Variants in LRRC7 observed in about 807,000 individuals in gnomAD.
LRRC7 encodes the protein leucine rich repeat containing 7, also known as leucine-rich repeat-containing protein 7.
A neutral mutation model predicts 175.7 loss-of-function variants in LRRC7; 23 were observed. The ratio of observed to expected loss-of-function variants is 0.13; its 90% CI spans 0.09 to 0.19. LRRC7 has a LOEUF of 0.19. LRRC7 is among the 10% of genes least tolerant of loss of function. LRRC7 has a pLI of 1.00. For synonymous variants in LRRC7, 685 were observed against 680.9 expected, an observed-to-expected ratio of 1.01 and a Z score of -0.09; for missense variants, 1,354 against 1,904.7, an observed-to-expected ratio of 0.71 and a Z score of 5.38.
At position 70,018,831 on chromosome 1, in the gene LRRC7, T is replaced by TAGAGA; in HGVS notation, c.1420+16_1420+17insGAAGA. The TAGAGA allele has an allele frequency of 6.3e-7, 1 of 1,583,310 alleles. No homozygotes were observed. The highest frequency in any genetic ancestry group is 8.7e-7 in the Non-Finnish European group (1 of 1,152,772). On this transcript the variant is annotated intron_variant, in intron 15 of 26. Transcript: ENST00000651989. ...CGTGGTGATGAAGGTAAATTGTCAG[T>TAGAGA]AGAAATTTCTTCTCTACTTATAATG...
chr1:69,693,573 G>A (rs891785366), intron 2 of LRRC7, among the ~76,000 whole-genome samples: 2 of 152,164 alleles, frequency 1.3e-5, no homozygotes, highest in African/African-American at 4.8e-5. Context: ...CTTCAACTGA[G>A]TAGATGAGAC....
intron 2 of LRRC7, among the ~76,000 whole-genome samples, chr1:69,737,684 T>C (rs1367506599): frequency 6.6e-6 from 1 of 152,088 alleles, no homozygotes. Context: ...CATGCTATTG[T>C]ATCTGGAAGG....
chr1:69,691,008 G>C (rs1223788595), intron 2 of LRRC7, among the ~76,000 whole-genome samples: 9 of 152,142 alleles, frequency 5.9e-5, no homozygotes, highest in Non-Finnish European at 1.3e-4. Context: ...GGACCTGAAA[G>C]AATATCTCAA....
intron 23 of LRRC7, among the ~76,000 whole-genome samples, chr1:70,064,386 T>G (rs149630682): frequency 4.8e-4 from 73 of 152,028 alleles, no homozygotes; most frequent in Middle Eastern, 6.8e-3. Flanking sequence ...TCTCATATCA[T>G]CTTCACAACT....
In LRRC7 at chr1:69,754,401, T is replaced by C. The variant is rs148420014; in HGVS notation, c.101-5790T>C. On this transcript the variant is annotated intron_variant, in intron 2 of 26. Transcript: ENST00000651989. ...GTATTTAATGTTTAGGAGATGGTGATTGTTAAATGTGGAAAGTGAGAGAAT... is the reference window on the plus strand; with the variant it reads ...GTATTTAATGTTTAGGAGATGGTGACTGTTAAATGTGGAAAGTGAGAGAAT... Among the ~76,000 whole-genome samples the C allele has an allele frequency of 6.8e-4, 104 of 152,052 alleles. No homozygotes were observed. In the East Asian group the frequency reaches 0.018, roughly 27 times the overall value.
chr1:69,957,583 A>G (rs1650629049), intron 8 of LRRC7, among the ~76,000 whole-genome samples: 1 of 151,890 alleles, frequency 6.6e-6, no homozygotes, highest in South Asian at 2.1e-4. Flanking sequence ...GATATTGATT[A>G]CCAACTTTCA....
intron 8 of LRRC7, among the ~76,000 whole-genome samples, chr1:69,942,207 T>C (rs928492201): frequency 2.0e-5 from 3 of 152,044 alleles, no homozygotes; most frequent in Non-Finnish European, 2.9e-5. Context: ...ACAGAAATTA[T>C]TGCAAATCAT....
intron 24 of LRRC7, among the ~76,000 whole-genome samples, chr1:70,078,824 GCACACACA>G (rs769239262): frequency 1.4e-4 from 18 of 130,870 alleles, no homozygotes; most frequent in East Asian, 1.2e-3. Context: ...ACACACACAC[GCACACACA>G]CACACACACA....
intron 2 of LRRC7, among the ~76,000 whole-genome samples, chr1:69,690,482 G>A (rs1479011723): frequency 3.9e-5 from 6 of 152,142 alleles, no homozygotes; most frequent in African/African-American, 1.4e-4. Flanking sequence ...TTTGACAAAG[G>A]TTAGTTTTGT....
At chr1:69,704,254 A>T (rs1016486800) in intron 2 of LRRC7, among the ~76,000 whole-genome samples, 1 of 151,906 alleles carries the variant, frequency 6.6e-6, no homozygotes, top group Non-Finnish European at 1.5e-5. Context: ...TTTTTGAAGG[A>T]GATAAAGGGA....
At chr1:69,589,866 C>T (rs1055130679) in intron 1 of LRRC7, among the ~76,000 whole-genome samples, 2 of 152,172 alleles carry the variant, frequency 1.3e-5, no homozygotes, top group Non-Finnish European at 2.9e-5. Flanking sequence ...TTTCTCCTAG[C>T]TTGATACATA....
chr1:69,822,604 C>G (rs574239258), intron 4 of LRRC7, among the ~76,000 whole-genome samples: 9 of 152,314 alleles, frequency 5.9e-5, no homozygotes, highest in African/African-American at 2.2e-4. Flanking sequence ...AGGTAGGCCT[C>G]TAAGACAATG....
At chr1:69,576,301 A>T (rs142503018) in intron 1 of LRRC7, among the ~76,000 whole-genome samples, 12 of 152,130 alleles carry the variant, frequency 7.9e-5, no homozygotes, top group African/African-American at 2.9e-4. Flanking sequence ...CTGGTTAAAC[A>T]TCTGTTATGA....
chr1:70,084,558 T>A (rs1663461218), intron 24 of LRRC7, among the ~76,000 whole-genome samples: 1 of 152,210 alleles, frequency 6.6e-6, no homozygotes, highest in African/African-American at 2.4e-5. Context: ...CAGTTGATGG[T>A]TGATGGACAT....
At chr1:69,599,752 C>A (rs930004080) in intron 1 of LRRC7, among the ~76,000 whole-genome samples, 1 of 152,124 alleles carries the variant, frequency 6.6e-6, no homozygotes, top group Non-Finnish European at 1.5e-5. Flanking sequence ...ATTTGGATAT[C>A]TTTCCTTCCC....
Position 70,125,143 on chromosome 1 carries a change from G to A in LRRC7, c.*3256G>A, listed in dbSNP as rs546371130. On this transcript the variant is annotated 3_prime_UTR_variant, in exon 27 of 27. Transcript: ENST00000651989. Reference sequence around the variant, plus strand: ...TTTTGACAAGGAATATTCAAAGTCAGTATGAAATAAAACATTATGCTAATG... The same window carrying A: ...TTTTGACAAGGAATATTCAAAGTCAATATGAAATAAAACATTATGCTAATG... Among the ~76,000 whole-genome samples the A allele has an allele frequency of 7.7e-4, 117 of 152,340 alleles. 1 individual carries two copies. Among genetic ancestry groups the A allele is most frequent in the African/African-American group, 2.8e-3 (117 of 41,584 alleles).
At chr1:69,993,275 C>G (rs1413823873) in intron 10 of LRRC7, among the ~76,000 whole-genome samples, 2 of 152,072 alleles carry the variant, frequency 1.3e-5, no homozygotes, top group East Asian at 3.9e-4. Flanking sequence ...GTATTCAGTT[C>G]CCAGGTACTT....
Position 69,885,668 on chromosome 1 carries a change from G to A in LRRC7, c.648-45839G>A, listed in dbSNP as rs1416225707. 1.7e-5 allele frequency among the ~76,000 whole-genome samples: 2 copies of A among 118,330 alleles called. 1 individual carries two copies. Among genetic ancestry groups the A allele is most frequent in the Admixed American group, 1.7e-4 (2 of 11,634 alleles). The allele number at this position is 118,330 out of a possible 152,430, so 77.6% of individuals were successfully genotyped here. A position where few individuals can be genotyped will look rare whatever the true frequency, so the allele number is the denominator to read the frequency against. Reference sequence around the variant, plus strand: ...TCTTGCCTTCTGCTAGCTTTTGAATGTGTTTGCTCTTGCTTTTCTAGTTCT... The same window carrying A: ...TCTTGCCTTCTGCTAGCTTTTGAATATGTTTGCTCTTGCTTTTCTAGTTCT... On this transcript the variant is annotated intron_variant, in intron 7 of 26. Transcript: ENST00000651989.
chr1:70,040,668 G>A (rs925541157), intron 21 of LRRC7, among the ~76,000 whole-genome samples: 42 of 152,162 alleles, frequency 2.8e-4, no homozygotes, highest in Middle Eastern at 3.4e-3. Context: ...AAAAAAATTG[G>A]CCAGGCATGG....
Sources: gnomAD v4.1 joint callset for allele counts (sites outside exome capture counted in the v4.1 genomes callset) on GRCh38, gnomAD v4.1.1 for gene constraint, MANE v1.5 for transcripts, NCBI Gene and HGNC (gene_info 2026-07-23, HGNC 2026-07-21) for gene names.